TLL1: variants seen among roughly 807,000 people sequenced by gnomAD.
TLL1 encodes tolloid-like protein 1.
A neutral mutation model predicts 128.2 loss-of-function variants in TLL1; 49 were observed. The observed-to-expected ratio is 0.38, with a 90% CI of 0.30 to 0.48. The LOEUF (loss-of-function observed/expected upper bound fraction) is 0.48, where lower values mean the gene tolerates loss of function less well. Ranked by LOEUF, TLL1 falls within the 20% of genes least tolerant of loss-of-function variation. TLL1 has a pLI of 0.96. For missense variants in TLL1, 1,123 were observed against 1,242.0 expected (o/e 0.90, Z 1.44); for synonymous variants, 454 against 418.8 (o/e 1.08, Z -1.03).
At chr4:165,945,826 A>C (rs1225235604) in intron 1 of TLL1, among the ~76,000 whole-genome samples, 1 of 152,116 alleles carries the variant, frequency 6.6e-6, no homozygotes, top group African/African-American at 2.4e-5. Context: ...CTGTTCAGTC[A>C]AGCTAATCCA....
intron 20 of TLL1, among the ~76,000 whole-genome samples, chr4:166,099,978 T>C (rs575505074): frequency 1.3e-5 from 2 of 152,154 alleles, no homozygotes; most frequent in Non-Finnish European, 2.9e-5. Context: ...CAGCCACTGG[T>C]GTGTGTACAC....
At position 166,077,894 on chromosome 4, in the gene TLL1, T is replaced by C. The variant is rs1400234934; in HGVS notation, c.2315-9T>C. On this transcript the variant is annotated splice_polypyrimidine_tract_variant and intron_variant, in intron 17 of 20. Transcript: ENST00000061240. ...GCCACACTGTCTGATATTATGGTTA[T>C]TGGTGCAGCTGAGTGTGAACAGAAG... 7.4e-6 allele frequency: 12 copies of C among 1,613,308 alleles called. No individual in the cohort carries two copies. The highest frequency in any genetic ancestry group is 2.2e-5 in the East Asian group (1 of 44,748).
rs115366967 is a variant in TLL1, at chr4:165,885,653, C to T, written c.169+11580C>T. Among the ~76,000 whole-genome samples the T allele has an allele frequency of 8.8e-3, 1,342 of 152,052 alleles. 22 individuals are homozygous for T. The highest frequency in any genetic ancestry group is 0.03 in the African/African-American group (1,253 of 41,474). On this transcript the variant is annotated intron_variant, in intron 1 of 20. Transcript: ENST00000061240. ...GTATGTGAGAATAGCAGATATCTTA[C>T]GTGTGTATCAGAGCATGTTAGTGTC... is the stretch of plus-strand genomic sequence containing the variant.
chr4:165,887,993 C>G (rs1240486827), intron 1 of TLL1, among the ~76,000 whole-genome samples: 2 of 152,074 alleles, frequency 1.3e-5, no homozygotes, highest in African/African-American at 2.4e-5. Context: ...TATATTTTTA[C>G]TTTATTCCAA....
At chr4:165,993,382 A>G (rs1736728763) in intron 3 of TLL1, among the ~76,000 whole-genome samples, 1 of 152,076 alleles carries the variant, frequency 6.6e-6, no homozygotes, top group South Asian at 2.1e-4. Flanking sequence ...ATAATTAGTT[A>G]ATATTTACAG....
intron 1 of TLL1, among the ~76,000 whole-genome samples, chr4:165,959,727 T>G (rs1248955379): frequency 6.6e-6 from 1 of 152,040 alleles, no homozygotes; most frequent in Non-Finnish European, 1.5e-5. Context: ...ATTAAACAAC[T>G]TGCTCCTGAA....
intron 6 of TLL1, among the ~76,000 whole-genome samples, chr4:166,007,487 C>T (rs1043935533): frequency 6.6e-6 from 1 of 151,610 alleles, no homozygotes; most frequent in African/African-American, 2.4e-5. Context: ...ACTAATATTG[C>T]TTTTATATCT....
At position 165,974,430 on chromosome 4, in the gene TLL1, G is replaced by A. The variant is rs1283877304; in HGVS notation, c.170-14951G>A. 2.0e-5 allele frequency among the ~76,000 whole-genome samples: 3 copies of A among 151,810 alleles called. 1 individual carries two copies. Among genetic ancestry groups the A allele is most frequent in the African/African-American group, 7.3e-5 (3 of 41,276 alleles). ...GCTGGGATTACAGGCGTGAGCCACC[G>A]CGCCTGGCCTCATCTTTAGTTTTCT... On this transcript the variant is annotated intron_variant, in intron 1 of 20. Transcript: ENST00000061240.
rs75513835 is a variant in TLL1, at chr4:166,051,473, T to C, written c.1525-3603T>C. On this transcript the variant is annotated intron_variant, in intron 12 of 20. Coordinates refer to ENST00000061240, the MANE Select transcript of TLL1 (RefSeq NM_012464.5). Reference sequence around the variant, plus strand: ...GATTCACATTTTAGTTTCAATCATATTTATTTCTATCCATTCCATATATTA... The same window carrying C: ...GATTCACATTTTAGTTTCAATCATACTTATTTCTATCCATTCCATATATTA... Among the ~76,000 whole-genome samples, 74 of 152,300 alleles carry C rather than the reference T, an allele frequency of 4.9e-4. 2 individuals are homozygous for C. The East Asian group carries it at 0.014, about 29-fold the overall frequency.
intron 1 of TLL1, among the ~76,000 whole-genome samples, chr4:165,893,632 C>T (rs1731517194): frequency 6.6e-6 from 1 of 152,152 alleles, no homozygotes; most frequent in Non-Finnish European, 1.5e-5. Context: ...GGAGGACACT[C>T]CCTATGGCTG....
chr4:165,928,246 A>G (rs1177696448), intron 1 of TLL1, among the ~76,000 whole-genome samples: 1 of 152,220 alleles, frequency 6.6e-6, no homozygotes, highest in East Asian at 1.9e-4. Flanking sequence ...TTGTCAAACA[A>G]TGTGCTCTAA....
At chr4:165,875,178 A>G (rs1730670413) in intron 1 of TLL1, 1 of 152,332 alleles carries the variant, frequency 6.6e-6, no homozygotes, top group Non-Finnish European at 1.5e-5. Flanking sequence ...GGGAGTGGAC[A>G]AAGTCAAATA....
intron 1 of TLL1, among the ~76,000 whole-genome samples, chr4:165,971,717 C>A (rs967065768): frequency 6.6e-6 from 1 of 152,082 alleles, no homozygotes. Flanking sequence ...GTACACTCAG[C>A]CTTTTAAAAT....
Position 165,995,194 on chromosome 4 carries a change from TAGGGACTGACTTA to T in TLL1, c.632+20_632+32del. The T allele has an allele frequency of 1.3e-6, 2 of 1,558,146 alleles. No individual in the cohort carries two copies. Among genetic ancestry groups the T allele is most frequent in the Non-Finnish European group, 1.8e-6 (2 of 1,129,242 alleles). ...GGCCTTGTGGGTAAGTAGAACTAGG[TAGGGACTGACTTA>T]AGGAAAAAAAAAATTAAAAGGAAAA... On this transcript the variant is annotated intron_variant, in intron 5 of 20. Coordinates refer to ENST00000061240, the MANE Select transcript of TLL1 (RefSeq NM_012464.5).
At chr4:166,072,755 CT>C (rs1740849342) in intron 16 of TLL1, among the ~76,000 whole-genome samples, 1 of 151,988 alleles carries the variant, frequency 6.6e-6, no homozygotes, top group African/African-American at 2.4e-5. Flanking sequence ...TTGAATAACA[CT>C]TGTGTTCACA....
intron 9 of TLL1, chr4:166,030,945 A>T (rs1376155848): frequency 6.1e-6 from 6 of 977,342 alleles, no homozygotes; most frequent in Non-Finnish European, 7.3e-6. Context: ...TTTTAAATAA[A>T]AGCTTGCAAA....
In TLL1 at chr4:166,091,098, T is replaced by TAA. The variant is rs774811274; in HGVS notation, c.2443-24_2443-23dup. The TAA allele has an allele frequency of 0.69, 1,095,489 of 1,576,582 alleles. 383,990 individuals are homozygous for TAA. The highest frequency in any genetic ancestry group is 0.78 in the Middle Eastern group (4,611 of 5,906). ...TCATTTTGAGTGATTTGTTTTTTTT[T>TAA]AAAAAAATTATTTCTTCTTTTTAAA... On this transcript the variant is annotated intron_variant, in intron 18 of 20. Coordinates refer to ENST00000061240, the MANE Select transcript of TLL1 (RefSeq NM_012464.5).
chr4:165,969,638 G>T (rs989982704), intron 1 of TLL1, among the ~76,000 whole-genome samples: 1 of 152,018 alleles, frequency 6.6e-6, no homozygotes, highest in Admixed American at 6.6e-5. Context: ...TGGTTGTGGG[G>T]TTTTTTGGTT....
intron 10 of TLL1, among the ~76,000 whole-genome samples, chr4:166,039,800 T>C (rs1444250518): frequency 6.6e-6 from 1 of 152,192 alleles, no homozygotes; most frequent in Admixed American, 6.5e-5. Context: ...TGGGTGTTCA[T>C]GTTGTGTGTT....
Sources: gnomAD v4.1 joint callset for allele counts (sites outside exome capture counted in the v4.1 genomes callset) on GRCh38, gnomAD v4.1.1 for gene constraint, MANE v1.5 for transcripts, NCBI Gene and HGNC (gene_info 2026-07-23, HGNC 2026-07-21) for gene names.